Variants in TENM3 observed in about 807,000 individuals in gnomAD.
TENM3 encodes teneurin-3.
A neutral mutation model predicts 255.1 loss-of-function variants in TENM3; 63 were observed. That is an observed-to-expected ratio of 0.25 (90% CI 0.20 to 0.30). The LOEUF (loss-of-function observed/expected upper bound fraction) is 0.30. Among genes scored for constraint, TENM3 ranks in the 10% least tolerant of loss-of-function variants. The probability of loss-of-function intolerance (pLI) is 1.00; values close to 1 mark genes in which losing one functional copy is unlikely to be tolerated. For missense variants in TENM3, 2,929 were observed against 3,461.1 expected (o/e 0.85, Z 3.86); for synonymous variants, 1,306 against 1,322.3 (o/e 0.99, Z 0.27).
At chr4:182,253,332 G>A (rs1040599451) in intron 1 of TENM3, among the ~76,000 whole-genome samples, 1 of 152,174 alleles carries the variant, frequency 6.6e-6, no homozygotes, top group Non-Finnish European at 1.5e-5. Context: ...AGTTATCCGG[G>A]TGTAGTGGCA....
rs200137701 is a variant in TENM3, at chr4:182,715,978, GGCCCGTA to G, written c.2368+1749_2368+1755del. Among the ~76,000 whole-genome samples the G allele has an allele frequency of 5.7e-3, 868 of 152,242 alleles. 9 individuals are homozygous for G. Among genetic ancestry groups the G allele is most frequent in the African/African-American group, 0.02 (818 of 41,538 alleles). Reference sequence around the variant, plus strand: ...CTTCCTGCTCCGGATAGATTTAGGTGGCCCGTAGCCTTCACAGCTTTTCCTGCTTAAT... The same window carrying G: ...CTTCCTGCTCCGGATAGATTTAGGTGGCCTTCACAGCTTTTCCTGCTTAAT... On this transcript the variant is annotated intron_variant, in intron 13 of 27. Coordinates refer to ENST00000511685, the MANE Select transcript of TENM3 (RefSeq NM_001080477.4).
At chr4:182,430,325 G>T (rs887666705) in intron 3 of TENM3, among the ~76,000 whole-genome samples, 2 of 152,124 alleles carry the variant, frequency 1.3e-5, no homozygotes, top group Non-Finnish European at 2.9e-5. Flanking sequence ...GAGGCAGGCG[G>T]ATCACGAGGT....
At chr4:182,599,523 A>C (rs1345443448) in intron 3 of TENM3, among the ~76,000 whole-genome samples, 1 of 152,196 alleles carries the variant, frequency 6.6e-6, no homozygotes, top group Middle Eastern at 3.2e-3. Flanking sequence ...AAATTATATG[A>C]TATGGAATAT....
At chr4:181,658,788 CA>C in the TENM3 span, among the ~76,000 whole-genome samples, 2 of 151,990 alleles carry the variant, frequency 1.3e-5, no homozygotes, top group African/African-American at 4.8e-5. Context: ...AACAAACAAG[CA>C]AAACAAAAAA....
the TENM3 span, among the ~76,000 whole-genome samples, chr4:181,514,235 A>G: frequency 6.6e-6 from 1 of 152,184 alleles, no homozygotes; most frequent in South Asian, 2.1e-4. Flanking sequence ...GTGAAAACAT[A>G]AACTTTTTAA....
intron 3 of TENM3, among the ~76,000 whole-genome samples, chr4:182,421,939 G>A (rs1258294625): frequency 6.6e-6 from 1 of 152,114 alleles, no homozygotes; most frequent in African/African-American, 2.4e-5. Context: ...AAGTCCCGGG[G>A]CCAGCTTTGC....
chr4:181,712,458 TA>T, the TENM3 span, among the ~76,000 whole-genome samples: 1 of 152,180 alleles, frequency 6.6e-6, no homozygotes, highest in African/African-American at 2.4e-5. Context: ...ACCATGATTG[TA>T]AGTTTCCTGA....
the TENM3 span, among the ~76,000 whole-genome samples, chr4:181,918,371 A>G: frequency 9.8e-5 from 15 of 152,340 alleles, no homozygotes; most frequent in African/African-American, 1.4e-4. Flanking sequence ...AGCAGAAGGT[A>G]AATATATTTT....
At chr4:182,795,519 T>C (rs576045565) in intron 26 of TENM3, among the ~76,000 whole-genome samples, 1 of 152,258 alleles carries the variant, frequency 6.6e-6, no homozygotes, top group African/African-American at 2.4e-5. Flanking sequence ...ATAAAAAGAA[T>C]ACCACTGGTT....
intron 13 of TENM3, among the ~76,000 whole-genome samples, chr4:182,724,520 T>C (rs1345184681): frequency 6.6e-6 from 1 of 152,264 alleles, no homozygotes; most frequent in Admixed American, 6.5e-5. Context: ...GATCTTTCTC[T>C]GATTGATGTT....
the TENM3 span, among the ~76,000 whole-genome samples, chr4:181,729,306 G>A: frequency 1.3e-5 from 2 of 152,296 alleles, no homozygotes; most frequent in South Asian, 4.1e-4. Flanking sequence ...GACAATGGAA[G>A]GGGAATGACA....
the TENM3 span, among the ~76,000 whole-genome samples, chr4:181,556,508 GC>G: frequency 6.6e-6 from 1 of 151,948 alleles, no homozygotes; most frequent in African/African-American, 2.4e-5. Context: ...TAAGAATCAA[GC>G]TTTTTTATTC....
chr4:182,106,182 C>T, the TENM3 span, among the ~76,000 whole-genome samples: 130 of 152,272 alleles, frequency 8.5e-4, no homozygotes, highest in African/African-American at 2.9e-3. Flanking sequence ...TTAAATCCTG[C>T]GGGGCACGGT....
chr4:182,733,396 T>C (rs1760923000), intron 16 of TENM3, among the ~76,000 whole-genome samples: 1 of 152,126 alleles, frequency 6.6e-6, no homozygotes, highest in African/African-American at 2.4e-5. Flanking sequence ...TTTCCTCCTT[T>C]AAGGAATTTC....
intron 3 of TENM3, among the ~76,000 whole-genome samples, chr4:182,406,351 C>A (rs1280980673): frequency 6.6e-6 from 1 of 151,940 alleles, no homozygotes; most frequent in Non-Finnish European, 1.5e-5. Context: ...TTTGCAGAAG[C>A]CTGGGCATGC....
chr4:181,650,760 A>T, the TENM3 span, among the ~76,000 whole-genome samples: 7 of 152,228 alleles, frequency 4.6e-5, no homozygotes, highest in African/African-American at 1.4e-4. Flanking sequence ...ACATTTTAGA[A>T]AAAAATACCA....
chr4:182,674,292 A>G lies in TENM3; in HGVS notation c.1326+1073A>G, dbSNP rs181675775. Among the ~76,000 whole-genome samples the G allele has an allele frequency of 5.4e-3, 815 of 152,284 alleles. 6 individuals carry two copies. The highest frequency in any genetic ancestry group is 0.019 in the African/African-American group (773 of 41,556). Reference sequence around the variant, plus strand: ...ATAAATTATGAAGAAAAGTTATCACATATTAATAAAGAAATTATATCTTTA... The same window carrying G: ...ATAAATTATGAAGAAAAGTTATCACGTATTAATAAAGAAATTATATCTTTA... On this transcript the variant is annotated intron_variant, in intron 7 of 27. Transcript: ENST00000511685.
the TENM3 span, among the ~76,000 whole-genome samples, chr4:181,769,220 AT>A: frequency 6.6e-6 from 1 of 152,234 alleles, no homozygotes; most frequent in African/African-American, 2.4e-5. Context: ...AAGCATAGAA[AT>A]AGCAGTCATG....
At chr4:182,316,849 C>G (rs1484748883) in intron 1 of TENM3, among the ~76,000 whole-genome samples, 5 of 152,176 alleles carry the variant, frequency 3.3e-5, no homozygotes, top group Admixed American at 3.3e-4. Context: ...AGCTTCACCT[C>G]TAATTGTGAG....
Sources: allele counts gnomAD v4.1 joint callset (sites outside exome capture counted in the v4.1 genomes callset), GRCh38; gene constraint gnomAD v4.1.1; transcripts MANE v1.5; gene names NCBI Gene and HGNC (gene_info 2026-07-23, HGNC 2026-07-21).